Variants in KIAA1958 observed in about 807,000 individuals in gnomAD.
KIAA1958 encodes KIAA1958.
KIAA1958 carries 14 observed loss-of-function variants against 47.2 expected under a neutral mutation model. The ratio of observed to expected loss-of-function variants is 0.30; its 90% CI spans 0.20 to 0.46. The LOEUF is 0.46. Ranked by LOEUF, KIAA1958 falls within the 20% of genes least tolerant of loss-of-function variation. The pLI is 1.00. For missense variants in KIAA1958, 803 were observed against 909.2 expected (o/e 0.88, Z 1.50); for synonymous variants, 354 against 353.3 (o/e 1.00, Z -0.02).
At chr9:112,631,333 G>A (rs184706858) in intron 2 of KIAA1958, among the ~76,000 whole-genome samples, 1 of 152,092 alleles carries the variant, frequency 6.6e-6, no homozygotes, top group East Asian at 1.9e-4. Flanking sequence ...GACCAGCCTA[G>A]GCAGGCAGCA....
chr9:112,659,925 G>C lies in KIAA1958; in HGVS notation c.2007G>C (p.Glu669Asp). Residue 669 changes from glutamate to aspartate, a missense_variant, in exon 4 of 4, where the codon GAG becomes GAC. Glu to Asp is a conservative substitution (Grantham distance 45). Transcript: ENST00000337530. ...CAGACATGGGCAGCGTGTGGTATGA[G>C]GAGCAGAGGATGGGGCTGCGCTCTC... ...EATDMGSVWYEEQRMGLRSLR... is the reference protein window; with the variant it reads ...EATDMGSVWYDEQRMGLRSLR... 5 of 1,614,242 alleles carry C rather than the reference G, an allele frequency of 3.1e-6. No homozygotes were observed. Among genetic ancestry groups the C allele is most frequent in the Non-Finnish European group, 4.2e-6 (5 of 1,180,030 alleles).
In KIAA1958 at chr9:112,526,490, C is replaced by G. The variant is rs532414210; in HGVS notation, c.-25+39372C>G. 5.6e-4 allele frequency among the ~76,000 whole-genome samples: 86 copies of G among 152,278 alleles called. 1 individual carries two copies. The highest frequency in any genetic ancestry group is 2.1e-3 in the African/African-American group (86 of 41,560). On this transcript the variant is annotated intron_variant, in intron 1 of 3. Transcript: ENST00000337530. Reference sequence around the variant, plus strand: ...CAAACCCCTGGCCTCAAGTGATCCACCCGCCTCAGCCTCCCAAAATGCTAG... The same window carrying G: ...CAAACCCCTGGCCTCAAGTGATCCAGCCGCCTCAGCCTCCCAAAATGCTAG...
intron 2 of KIAA1958, among the ~76,000 whole-genome samples, chr9:112,608,680 A>G (rs900297416): frequency 2.0e-5 from 3 of 152,092 alleles, no homozygotes; most frequent in Non-Finnish European, 4.4e-5. Context: ...GGTCCCAGCT[A>G]CTATGGAGGC....
intron 1 of KIAA1958, among the ~76,000 whole-genome samples, chr9:112,530,156 C>T (rs1160936537): frequency 3.3e-5 from 5 of 152,170 alleles, no homozygotes; most frequent in African/African-American, 4.8e-5. Flanking sequence ...ACTCCACTTT[C>T]TTGAGAAGGC....
Position 112,665,533 on chromosome 9 carries a change from A to G in KIAA1958, c.*5464A>G, listed in dbSNP as rs1837341613. ...ATCTAGTGCTCAGTCCATGAGACAA[A>G]ACTGCCTCCTGGAGGCCATGGAAGT... On this transcript the variant is annotated 3_prime_UTR_variant, in exon 4 of 4. Transcript: ENST00000337530. 6.6e-6 allele frequency: 1 copy of G among 152,178 alleles called. No homozygotes were observed. The allele number at this position is 152,178 out of a possible 1,614,324, so 9.4% of individuals were successfully genotyped here. A position where few individuals can be genotyped will look rare whatever the true frequency, so the allele number is the denominator to read the frequency against.
At chr9:112,510,753 C>T (rs376919876) in intron 1 of KIAA1958, among the ~76,000 whole-genome samples, 3 of 151,932 alleles carry the variant, frequency 2.0e-5, no homozygotes, top group African/African-American at 2.4e-5. Context: ...AAAAGCAGTT[C>T]GGTGTAGGGG....
chr9:112,486,991 G>A lies in KIAA1958; in HGVS notation c.-152G>A. 2 of 180,692 alleles carry A rather than the reference G, an allele frequency of 1.1e-5. No homozygotes were observed. The highest frequency in any genetic ancestry group is 1.2e-5 in the Non-Finnish European group (1 of 86,452). 11.2% of individuals were successfully genotyped at this position (180,692 alleles called of 1,614,324 possible). On this transcript the variant is annotated 5_prime_UTR_variant, in exon 1 of 4. Transcript: ENST00000337530. ...CCGCTCCACTTACCTTTGGTGCCCG[G>A]CCCTCTGGCCGCTCTCCTCCCGCCC...
intron 1 of KIAA1958, among the ~76,000 whole-genome samples, chr9:112,495,698 A>G (rs574361838): frequency 3.0e-4 from 45 of 152,326 alleles, no homozygotes; most frequent in African/African-American, 8.7e-4. Flanking sequence ...TACTCACCCA[A>G]ATATATGGAC....
intron 2 of KIAA1958, among the ~76,000 whole-genome samples, chr9:112,611,751 A>G (rs781595310): frequency 5.3e-5 from 8 of 152,138 alleles, no homozygotes; most frequent in Non-Finnish European, 1.2e-4. Flanking sequence ...CTTATTTGTT[A>G]TACAAAAGTT....
At chr9:112,491,938 T>C (rs994060426) in intron 1 of KIAA1958, among the ~76,000 whole-genome samples, 25 of 152,218 alleles carry the variant, frequency 1.6e-4, no homozygotes, top group African/African-American at 5.5e-4. Flanking sequence ...TTTTTTCTTA[T>C]ATTTTCCTCT....
At chr9:112,595,760 A>G (rs764108409) in intron 2 of KIAA1958, among the ~76,000 whole-genome samples, 1 of 151,760 alleles carries the variant, frequency 6.6e-6, no homozygotes, top group African/African-American at 2.4e-5. Context: ...GTAAATAAAT[A>G]TACATATTCT....
At chr9:112,630,242 C>G (rs1313615983) in intron 2 of KIAA1958, among the ~76,000 whole-genome samples, 2 of 152,182 alleles carry the variant, frequency 1.3e-5, no homozygotes, top group Non-Finnish European at 2.9e-5. Flanking sequence ...GAAAAGAAAG[C>G]CCTGCTGCAA....
rs1837228078 is a variant in KIAA1958, at chr9:112,659,663, A to G, written c.1745A>G (p.Asp582Gly). Reference protein sequence around the residue: ...LQEHADLMYGDIELLKDPQNQ... With the variant: ...LQEHADLMYGGIELLKDPQNQ... ...GAGCATGCGGATCTGATGTATGGTGACATCGAGCTGCTCAAAGACCCCCAA... is the reference window on the plus strand; with the variant it reads ...GAGCATGCGGATCTGATGTATGGTGGCATCGAGCTGCTCAAAGACCCCCAA... Residue 582 changes from aspartate (D) to glycine (G), a missense_variant, in exon 4 of 4, where the codon GAC (aspartate) becomes GGC (glycine). This residue lies in a region of KIAA1958 where 761 missense variants were observed against 829.3 expected (regional missense o/e 0.92). Transcript: ENST00000337530. 1.2e-6 allele frequency: 2 copies of G among 1,614,056 alleles called. No homozygotes were observed. Among genetic ancestry groups the G allele is most frequent in the Non-Finnish European group, 1.7e-6 (2 of 1,180,042 alleles).
intron 1 of KIAA1958, among the ~76,000 whole-genome samples, chr9:112,489,452 C>G (rs1355124675): frequency 1.4e-5 from 2 of 146,010 alleles, no homozygotes; most frequent in African/African-American, 5.1e-5. Flanking sequence ...AAGATAACAC[C>G]TAGTTTTGTT....
At chr9:112,541,417 G>A (rs1834940063) in intron 1 of KIAA1958, among the ~76,000 whole-genome samples, 1 of 152,094 alleles carries the variant, frequency 6.6e-6, no homozygotes, top group African/African-American at 2.4e-5. Flanking sequence ...CAAAGGTAGA[G>A]GGTGATAATC....
intron 2 of KIAA1958, among the ~76,000 whole-genome samples, chr9:112,613,362 A>G (rs923058681): frequency 2.0e-5 from 3 of 152,344 alleles, no homozygotes; most frequent in Admixed American, 1.3e-4. Flanking sequence ...ATGGCAGATC[A>G]AAATGTGAAA....
At chr9:112,533,342 C>T (rs749183669) in intron 1 of KIAA1958, among the ~76,000 whole-genome samples, 3 of 151,148 alleles carry the variant, frequency 2.0e-5, no homozygotes, top group African/African-American at 4.9e-5. Context: ...TTTGGAAGGC[C>T]GAGGCAGGTG....
chr9:112,618,384 G>T lies in KIAA1958; in HGVS notation c.1172-27266G>T. ...TTTGGGCATTGCACAGGCTTCCATGGATCTACCTTAAAATGGGGTGATATC... is the reference window on the plus strand; with the variant it reads ...TTTGGGCATTGCACAGGCTTCCATGTATCTACCTTAAAATGGGGTGATATC... On this transcript the variant is annotated intron_variant, in intron 2 of 3. Transcript: ENST00000337530. The surrounding 1 kb of genome is among the most constrained non-coding windows in gnomAD (Gnocchi z 7.1). 1 of 1,551,262 alleles carries T rather than the reference G, an allele frequency of 6.4e-7. No individual in the cohort carries two copies. The highest frequency in any genetic ancestry group is 8.7e-7 in the Non-Finnish European group (1 of 1,147,140).
At chr9:112,554,300 C>A (rs1835205042) in intron 1 of KIAA1958, among the ~76,000 whole-genome samples, 2 of 152,048 alleles carry the variant, frequency 1.3e-5, no homozygotes, top group South Asian at 2.1e-4. Context: ...GAGTTTGAGA[C>A]CAGCCTGACT....
Sources: gnomAD v4.1 joint callset for allele counts (sites outside exome capture counted in the v4.1 genomes callset) on GRCh38, gnomAD v4.1.1 for gene constraint, gnomAD v4.1.1 regional missense constraint, Gnocchi (gnomAD v3.1) non-coding constraint, MANE v1.5 for transcripts, NCBI Gene and HGNC (gene_info 2026-07-23, HGNC 2026-07-21) for gene names.